Variants in DMRT3 observed in about 807,000 individuals in gnomAD.
DMRT3 encodes doublesex- and mab-3-related transcription factor 3.
A neutral mutation model predicts 34.9 loss-of-function variants in DMRT3; 29 were observed. The observed-to-expected ratio is 0.83, with a 90% CI of 0.62 to 1.13. The LOEUF (loss-of-function observed/expected upper bound fraction) is 1.13, where lower values mean the gene tolerates loss of function less well. Among genes scored for constraint, DMRT3 ranks in the 50% most tolerant of loss-of-function variants. The pLI is 0.00. For missense variants in DMRT3, 772 were observed against 629.1 expected (o/e 1.23, Z -2.43); for synonymous variants, 350 against 286.0 (o/e 1.22, Z -2.26).
At chr9:984,918 T>A (rs1041500490) in intron 1 of DMRT3, among the ~76,000 whole-genome samples, 2 of 152,214 alleles carry the variant, frequency 1.3e-5, no homozygotes, top group Admixed American at 1.3e-4. Context: ...AATTTTAGAT[T>A]GAAAGCACTT....
chr9:976,947 C>A lies in DMRT3; in HGVS notation c.-55C>A. 1 of 1,392,278 alleles carries A rather than the reference C, an allele frequency of 7.2e-7. No homozygotes were observed. Among genetic ancestry groups the A allele is most frequent in the Non-Finnish European group, 9.3e-7 (1 of 1,070,166 alleles). The allele number at this position is 1,392,278 out of a possible 1,614,324, so 86.2% of individuals were successfully genotyped here. ...CGGGCCTCGCAGCCCCGCCGTCCAG[C>A]GCTCCCTGGCCCTCTCCCGCAGCCA... On this transcript the variant is annotated 5_prime_UTR_variant, in exon 1 of 2. Coordinates refer to ENST00000190165, the MANE Select transcript of DMRT3 (RefSeq NM_021240.4). The surrounding 1 kb of genome is among the most constrained non-coding windows in gnomAD (Gnocchi z 4.5).
Position 990,993 on chromosome 9 carries a change from C to T in DMRT3, c.1407C>T (p.Asn469=). 5 of 1,610,332 alleles carry T rather than the reference C, an allele frequency of 3.1e-6. No individual in the cohort carries two copies. Among genetic ancestry groups the T allele is most frequent in the Non-Finnish European group, 4.2e-6 (5 of 1,177,080 alleles). Residue 469 remains asparagine, a synonymous_variant, in exon 2 of 2, where the codon AAC becomes AAT. Coordinates refer to ENST00000190165, the MANE Select transcript of DMRT3 (RefSeq NM_021240.4). Reference sequence around the variant, plus strand: ...ACTCCTCAGACTCTAGAACACTCAACACATCATCTTAAAGTGGTGCTGGAT... The same window carrying T: ...ACTCCTCAGACTCTAGAACACTCAATACATCATCTTAAAGTGGTGCTGGAT... The part of the protein sequence containing the change: ...RSDSSDSRTL[N]TSS
At chr9:985,318 T>C (rs279881) in intron 1 of DMRT3, among the ~76,000 whole-genome samples, 79,634 of 152,072 alleles carry the variant, frequency 0.52, 21,535 homozygotes, top group Middle Eastern at 0.72. Context: ...ATATTATCAG[T>C]TGATATACAC....
chr9:991,172 C>T lies in DMRT3; in HGVS notation c.*167C>T, dbSNP rs981304984. 4 of 915,880 alleles carry T rather than the reference C, an allele frequency of 4.4e-6. No individual in the cohort carries two copies. The highest frequency in any genetic ancestry group is 2.6e-5 in the East Asian group (1 of 39,076). The allele number at this position is 915,880 out of a possible 1,614,324, so 56.7% of individuals were successfully genotyped here. Reference sequence around the variant, plus strand: ...AAAACATAACTTATTTAACTTCTTGCACTTCACTGGAAAATGCCAAATAGC... The same window carrying T: ...AAAACATAACTTATTTAACTTCTTGTACTTCACTGGAAAATGCCAAATAGC... On this transcript the variant is annotated 3_prime_UTR_variant, in exon 2 of 2. Transcript: ENST00000190165.
At chr9:977,901 G>C (rs939634388) in intron 1 of DMRT3, among the ~76,000 whole-genome samples, 9 of 44,800 alleles carry the variant, frequency 2.0e-4, no homozygotes, top group Middle Eastern at 0.013. Context: ...TGTAGGGAAG[G>C]AGCCAAGGCC....
intron 1 of DMRT3, among the ~76,000 whole-genome samples, chr9:987,411 A>G (rs1820299200): frequency 7.5e-6 from 1 of 133,080 alleles, no homozygotes. Context: ...ATAATATCCC[A>G]CTGTGTGTGT....
Position 991,152 on chromosome 9 carries a change from A to C in DMRT3, c.*147A>C. The C allele has an allele frequency of 8.8e-7, 1 of 1,130,308 alleles. No individual in the cohort carries two copies. Among genetic ancestry groups the C allele is most frequent in the South Asian group, 1.6e-5 (1 of 62,954 alleles). 70.0% of individuals were successfully genotyped at this position (1,130,308 alleles called of 1,614,324 possible). On this transcript the variant is annotated 3_prime_UTR_variant, in exon 2 of 2. Transcript: ENST00000190165. ...GATTCTATACATTAGCAATAAAAAC[A>C]TAACTTATTTAACTTCTTGCACTTC...
intron 1 of DMRT3, among the ~76,000 whole-genome samples, chr9:985,632 T>C (rs530031017): frequency 7.9e-5 from 12 of 152,238 alleles, no homozygotes; most frequent in Non-Finnish European, 1.8e-4. Context: ...TTAGGTGCAA[T>C]AATACAACCA....
Position 990,144 on chromosome 9 carries a change from T to G in DMRT3, c.558T>G (p.Ser186Arg), listed in dbSNP as rs1820335280. 6.2e-7 allele frequency: 1 copy of G among 1,612,900 alleles called. No individual in the cohort carries two copies. The part of the protein sequence containing the change: ...DQRSSPDVAK[S>R]KGCFTPESPE... ...GGAGTTCCCCAGATGTGGCAAAGAG[T>G]AAGGGCTGCTTCACCCCTGAGAGCC... is the stretch of plus-strand genomic sequence containing the variant. Residue 186 changes from serine (S) to arginine (R), a missense_variant, in exon 2 of 2, where the codon AGT becomes AGG. Coordinates refer to ENST00000190165, the MANE Select transcript of DMRT3 (RefSeq NM_021240.4).
At chr9:989,858 C>T (rs1044084746) in intron 1 of DMRT3, 183 bp from the exon 2 acceptor site, 3 of 679,844 alleles carry the variant, frequency 4.4e-6, no homozygotes, top group Non-Finnish European at 7.1e-6. Flanking sequence ...TCTTTATTTA[C>T]AGGGTTTTTG....
chr9:990,305 C>A lies in DMRT3; in HGVS notation c.719C>A (p.Ser240Tyr), dbSNP rs772844218. The change falls in exon 2 of 2, where the codon TCT (serine) becomes TAT (tyrosine). Residue 240 changes from serine to tyrosine, a missense_variant. Physicochemically the swap from Ser to Tyr is moderately radical, Grantham distance 144. Transcript: ENST00000190165. Reference sequence around the variant, plus strand: ...ATTGAGGGCCCCTCGGGGACTGTTTCTCTGCCCTTCAGCTTGAAAGCCAAC... The same window carrying A: ...ATTGAGGGCCCCTCGGGGACTGTTTATCTGCCCTTCAGCTTGAAAGCCAAC... ...LLIEGPSGTV[S>Y]LPFSLKANRP... 6.3e-5 allele frequency: 101 copies of A among 1,613,736 alleles called. No homozygotes were observed. The highest frequency in any genetic ancestry group is 8.5e-5 in the Non-Finnish European group (100 of 1,180,038).
intron 1 of DMRT3, among the ~76,000 whole-genome samples, chr9:984,458 C>CT (rs541965005): frequency 0.28 from 40,822 of 147,076 alleles, 6,015 homozygotes; most frequent in African/African-American, 0.34. Context: ...AGATTTTTCA[C>CT]ATTTTTTTTT....
rs1011001859 is a variant in DMRT3, at chr9:976,946, G to A, written c.-56G>A. ...GCGGGCCTCGCAGCCCCGCCGTCCA[G>A]CGCTCCCTGGCCCTCTCCCGCAGCC... is the stretch of plus-strand genomic sequence containing the variant. On this transcript the variant is annotated 5_prime_UTR_variant, in exon 1 of 2. Transcript: ENST00000190165. This position sits in a 1 kb window ranked among gnomAD's most constrained non-coding sequence, Gnocchi z 4.5. The A allele has an allele frequency of 1.4e-6, 2 of 1,391,966 alleles. No individual in the cohort carries two copies. The highest frequency in any genetic ancestry group is 1.9e-6 in the Non-Finnish European group (2 of 1,070,102). The allele number at this position is 1,391,966 out of a possible 1,614,324, so 86.2% of individuals were successfully genotyped here.
intron 1 of DMRT3, among the ~76,000 whole-genome samples, chr9:979,320 T>C (rs899223603): frequency 6.6e-6 from 1 of 151,972 alleles, no homozygotes; most frequent in Admixed American, 6.6e-5. Context: ...TTTGGGAGAA[T>C]AGAAAAAGGA....
At chr9:979,564 T>A (rs920703884) in intron 1 of DMRT3, among the ~76,000 whole-genome samples, 30 of 152,174 alleles carry the variant, frequency 2.0e-4, no homozygotes, top group Admixed American at 6.5e-5. Context: ...ACACAACTTT[T>A]GTTTTCTTCT....
chr9:990,528 T>G lies in DMRT3; in HGVS notation c.942T>G (p.Phe314Leu), dbSNP rs985186610. The part of the protein sequence containing the change: ...SLALPSNGHI[F>L]EHTLSSYPIS... ...CGTTGCCCTCCAATGGGCACATCTT[T>G]GAACACACCTTGAGCTCCTACCCCA... Residue 314 changes from phenylalanine to leucine, a missense_variant, in exon 2 of 2, where the codon TTT becomes TTG. By Grantham distance (22) the Phe-to-Leu change is conservative. Coordinates refer to ENST00000190165, the MANE Select transcript of DMRT3 (RefSeq NM_021240.4). 2 of 1,614,082 alleles carry G rather than the reference T, an allele frequency of 1.2e-6. No individual in the cohort carries two copies. Among genetic ancestry groups the G allele is most frequent in the Non-Finnish European group, 1.7e-6 (2 of 1,180,012 alleles).
At chr9:988,412 T>G (rs1367652615) in intron 1 of DMRT3, among the ~76,000 whole-genome samples, 1 of 152,208 alleles carries the variant, frequency 6.6e-6, no homozygotes, top group Non-Finnish European at 1.5e-5. Context: ...GGCCAAAGTT[T>G]TGGTTTTTGG....
chr9:984,167 T>C (rs1820254608), intron 1 of DMRT3, among the ~76,000 whole-genome samples: 1 of 152,124 alleles, frequency 6.6e-6, no homozygotes, highest in Non-Finnish European at 1.5e-5. Context: ...TCCCTTGCCA[T>C]TGTTGTAAGA....
intron 1 of DMRT3, among the ~76,000 whole-genome samples, chr9:984,476 TAGAC>T (rs1411185975): frequency 7.2e-5 from 11 of 152,170 alleles, no homozygotes; most frequent in East Asian, 1.9e-4. Context: ...TTTTTTTATT[TAGAC>T]AGTCTAATTC....
Sources: gnomAD v4.1 joint callset for allele counts (sites outside exome capture counted in the v4.1 genomes callset) on GRCh38, gnomAD v4.1.1 for gene constraint, Gnocchi (gnomAD v3.1) non-coding constraint, MANE v1.5 for transcripts, NCBI Gene and HGNC (gene_info 2026-07-23, HGNC 2026-07-21) for gene names.